Variants in CACNA2D1 observed in about 807,000 individuals in gnomAD.
The protein encoded by CACNA2D1 is calcium voltage-gated channel auxiliary subunit alpha2delta 1.
In CACNA2D1, 53 loss-of-function variants were observed where a neutral mutation model predicts 171.5. That is an observed-to-expected ratio of 0.31 (90% CI 0.25 to 0.39). The LOEUF (loss-of-function observed/expected upper bound fraction) is 0.39. CACNA2D1 is among the 10% of genes least tolerant of loss of function. The pLI, the probability that CACNA2D1 is intolerant of heterozygous loss-of-function variation, is 1.00. For synonymous variants in CACNA2D1, 442 were observed against 443.1 expected (o/e 1.00, Z 0.03); for missense variants, 903 against 1,299.8 (o/e 0.69, Z 4.69).
intron 1 of CACNA2D1, among the ~76,000 whole-genome samples, chr7:82,400,647 A>T (rs949062317): frequency 1.3e-5 from 2 of 152,318 alleles, no homozygotes; most frequent in Non-Finnish European, 2.9e-5. Flanking sequence ...AGGCATGGGC[A>T]AGGACTTCAT....
At position 82,162,353 on chromosome 7, in the gene CACNA2D1, A is replaced by C. The variant is rs547197340; in HGVS notation, c.354+8197T>G. Among the ~76,000 whole-genome samples, 6 of 152,078 alleles carry C rather than the reference A, an allele frequency of 3.9e-5. No individual in the cohort carries two copies. In the South Asian group the frequency reaches 1.2e-3, roughly 32 times the overall value. On this transcript the variant is annotated intron_variant, in intron 4 of 38. Transcript: ENST00000356860. Reference sequence around the variant, plus strand: ...AGTATGTATGTGGATGAAAAGATAAAGTGAAAAAACTTTTTGATTAACGAA... The same window carrying C: ...AGTATGTATGTGGATGAAAAGATAACGTGAAAAAACTTTTTGATTAACGAA...
chr7:82,351,467 C>T (rs1003701904), intron 1 of CACNA2D1, among the ~76,000 whole-genome samples: 33 of 151,930 alleles, frequency 2.2e-4, no homozygotes, highest in African/African-American at 7.5e-4. Flanking sequence ...AGAGGCTTGA[C>T]TTACATATGA....
At chr7:81,995,077 G>A (rs1797906201) in intron 19 of CACNA2D1, 138 bp from the exon 20 acceptor site, 1 of 562,646 alleles carries the variant, frequency 1.8e-6, no homozygotes, top group Non-Finnish European at 3.2e-6. Context: ...AGTTTTACCA[G>A]TATCTGCAGT....
chr7:82,252,044 T>C (rs1049008711), intron 3 of CACNA2D1, among the ~76,000 whole-genome samples: 3 of 152,256 alleles, frequency 2.0e-5, no homozygotes, highest in African/African-American at 4.8e-5. Context: ...TGTCATTTAC[T>C]ATATTTTATT....
At chr7:82,112,816 T>C (rs768749765) in intron 6 of CACNA2D1, among the ~76,000 whole-genome samples, 9 of 152,188 alleles carry the variant, frequency 5.9e-5, no homozygotes, top group Non-Finnish European at 1.2e-4. Flanking sequence ...AGCACCTTTT[T>C]CCTCTGCAAT....
intron 3 of CACNA2D1, among the ~76,000 whole-genome samples, chr7:82,326,239 T>C (rs760550812): frequency 1.6e-4 from 24 of 152,372 alleles, no homozygotes; most frequent in Non-Finnish European, 2.5e-4. Flanking sequence ...AAAAGCTTAG[T>C]GATATTTTTG....
At chr7:81,955,107 A>ATAAACTTGTTATCAAAAAGTCTT (rs1217726490) in intron 38 of CACNA2D1, among the ~76,000 whole-genome samples, 1 of 152,168 alleles carries the variant, frequency 6.6e-6, no homozygotes, top group East Asian at 1.9e-4. Flanking sequence ...TTGAGTCTTC[A>ATAAACTTGTTATCAAAAAGTCTT]TAAACTTGTT....
chr7:82,210,777 C>T (rs1249676180), intron 3 of CACNA2D1, among the ~76,000 whole-genome samples: 5 of 152,172 alleles, frequency 3.3e-5, no homozygotes, highest in Non-Finnish European at 1.5e-5. Context: ...ACATGTTCAA[C>T]AAAGAATTAC....
chr7:82,145,451 T>C (rs1563114134), intron 4 of CACNA2D1, among the ~76,000 whole-genome samples: 1 of 143,568 alleles, frequency 7.0e-6, no homozygotes, highest in Non-Finnish European at 1.5e-5. Context: ...TGTATAATTT[T>C]TATATATGTT....
chr7:82,130,330 G>A (rs930154562), intron 5 of CACNA2D1, among the ~76,000 whole-genome samples: 7 of 152,038 alleles, frequency 4.6e-5, no homozygotes, highest in East Asian at 1.9e-4. Context: ...TATATGTTCC[G>A]CTTAGGGAAG....
intron 3 of CACNA2D1, among the ~76,000 whole-genome samples, chr7:82,242,118 T>G (rs989807216): frequency 6.6e-5 from 10 of 152,114 alleles, no homozygotes; most frequent in African/African-American, 1.9e-4. Flanking sequence ...AAATGCCTAA[T>G]GGCATACATG....
At chr7:82,010,643 A>G (rs1174518505) in intron 15 of CACNA2D1, among the ~76,000 whole-genome samples, 2 of 152,178 alleles carry the variant, frequency 1.3e-5, no homozygotes, top group Non-Finnish European at 2.9e-5. Context: ...TGTGATGTCT[A>G]AAAGGAACAC....
At chr7:82,198,584 G>A (rs1010012177) in intron 3 of CACNA2D1, among the ~76,000 whole-genome samples, 21 of 151,920 alleles carry the variant, frequency 1.4e-4, no homozygotes, top group African/African-American at 4.8e-4. Flanking sequence ...AATGGACCTA[G>A]GTTGCTATCT....
intron 12 of CACNA2D1, chr7:82,029,769 T>C (rs1452933804): frequency 6.6e-6 from 1 of 151,744 alleles, no homozygotes; most frequent in Non-Finnish European, 1.5e-5. Context: ...ATATATGTAT[T>C]ACTGTGTATC....
At chr7:82,303,272 G>T (rs1585409256) in intron 3 of CACNA2D1, among the ~76,000 whole-genome samples, 1 of 152,116 alleles carries the variant, frequency 6.6e-6, no homozygotes, top group East Asian at 1.9e-4. Context: ...AATACAAAGT[G>T]CTGTGATTAC....
At chr7:82,400,032 G>A (rs1318119062) in intron 1 of CACNA2D1, among the ~76,000 whole-genome samples, 1 of 151,638 alleles carries the variant, frequency 6.6e-6, no homozygotes, top group Non-Finnish European at 1.5e-5. Flanking sequence ...CGTTATTTCT[G>A]AGGGCTCTGT....
chr7:82,121,802 G>C (rs943936780), intron 5 of CACNA2D1, among the ~76,000 whole-genome samples: 1 of 151,928 alleles, frequency 6.6e-6, no homozygotes, highest in Non-Finnish European at 1.5e-5. Context: ...ATTTGATGAA[G>C]AACAAATTAT....
At chr7:82,309,313 G>A (rs1036454616) in intron 3 of CACNA2D1, among the ~76,000 whole-genome samples, 1 of 152,068 alleles carries the variant, frequency 6.6e-6, no homozygotes, top group Non-Finnish European at 1.5e-5. Context: ...GGTTGAGGCA[G>A]GAGAATTTCT....
intron 1 of CACNA2D1, among the ~76,000 whole-genome samples, chr7:82,422,320 T>C (rs1253032937): frequency 6.6e-6 from 1 of 152,170 alleles, no homozygotes; most frequent in Non-Finnish European, 1.5e-5. Flanking sequence ...TTTTCATCCT[T>C]GATGAATAAC....
Sources: gnomAD v4.1 joint callset for allele counts (sites outside exome capture counted in the v4.1 genomes callset) on GRCh38, gnomAD v4.1.1 for gene constraint, MANE v1.5 for transcripts, NCBI Gene and HGNC (gene_info 2026-07-23, HGNC 2026-07-21) for gene names.